DLGAP1: variants seen among roughly 807,000 people sequenced by gnomAD.
DLGAP1 encodes the protein DLG associated protein 1.
Under a neutral mutation model 90.8 loss-of-function variants are expected in DLGAP1, and 11 were observed. The observed-to-expected ratio is 0.12, with a 90% CI of 0.08 to 0.20. The LOEUF is 0.20. Ranked by LOEUF, DLGAP1 falls within the 10% of genes least tolerant of loss-of-function variation. DLGAP1 has a pLI of 1.00. For missense variants in DLGAP1, 1,050 were observed against 1,333.8 expected (o/e 0.79, Z 3.31); for synonymous variants, 558 against 540.7 (o/e 1.03, Z -0.44).
intron 3 of DLGAP1, among the ~76,000 whole-genome samples, chr18:3,951,378 G>T (rs2072981607): frequency 6.6e-6 from 1 of 152,202 alleles, no homozygotes; most frequent in Admixed American, 6.5e-5. Context: ...TAGTGTAAAG[G>T]TGTCTCTTGA....
chr18:4,210,072 C>G (rs1196952428), intron 1 of DLGAP1, among the ~76,000 whole-genome samples: 2 of 152,192 alleles, frequency 1.3e-5, no homozygotes, highest in African/African-American at 2.4e-5. Flanking sequence ...TTAGAAACTT[C>G]CCCTAACCAC....
intron 2 of DLGAP1, among the ~76,000 whole-genome samples, chr18:4,095,153 T>C (rs911418850): frequency 6.6e-6 from 1 of 152,092 alleles, no homozygotes; most frequent in Non-Finnish European, 1.5e-5. Context: ...GGGGACCAGC[T>C]CTAAAACTCA....
At chr18:4,346,826 A>G (rs1471145260) in intron 1 of DLGAP1, among the ~76,000 whole-genome samples, 1 of 152,198 alleles carries the variant, frequency 6.6e-6, no homozygotes, top group African/African-American at 2.4e-5. Context: ...AGCTAAATAA[A>G]TAATTGCATA....
chr18:3,535,912 G>A (rs1301991676), intron 9 of DLGAP1, among the ~76,000 whole-genome samples: 1 of 151,984 alleles, frequency 6.6e-6, no homozygotes, highest in Non-Finnish European at 1.5e-5. Context: ...GCACATGCCT[G>A]TAATCCCAGC....
In DLGAP1 at chr18:4,345,559, T is replaced by C. The variant is rs145591317; in HGVS notation, c.-267+109447A>G. On this transcript the variant is annotated intron_variant, in intron 1 of 12. Coordinates refer to ENST00000315677, the MANE Select transcript of DLGAP1 (RefSeq NM_004746.4). ...TTTTACGTGGCAGAAACAACACAAA[T>C]TGTGGCAATTATAGGTTTCACACAA... Among the ~76,000 whole-genome samples the C allele has an allele frequency of 9.2e-5, 14 of 152,298 alleles. No homozygotes were observed. The East Asian group carries it at 2.1e-3, about 23-fold the overall frequency.
intron 2 of DLGAP1, among the ~76,000 whole-genome samples, chr18:4,144,903 A>G (rs2076559075): frequency 6.6e-6 from 1 of 152,260 alleles, no homozygotes; most frequent in Non-Finnish European, 1.5e-5. Context: ...GTCCTTGAAC[A>G]TTCTTACAGT....
intron 7 of DLGAP1, among the ~76,000 whole-genome samples, chr18:3,586,391 G>T (rs1384856483): frequency 6.6e-6 from 1 of 152,154 alleles, no homozygotes; most frequent in Non-Finnish European, 1.5e-5. Flanking sequence ...ATGCTGTTAT[G>T]CTGAGGGACT....
chr18:3,639,359 G>A (rs1400715106), intron 7 of DLGAP1, among the ~76,000 whole-genome samples: 1 of 136,550 alleles, frequency 7.3e-6, no homozygotes, highest in South Asian at 2.3e-4. Flanking sequence ...ATCTCAAAAA[G>A]AGAAAAGAAA....
chr18:4,358,783 C>T (rs768604401), intron 1 of DLGAP1, among the ~76,000 whole-genome samples: 27 of 152,236 alleles, frequency 1.8e-4, no homozygotes, highest in Admixed American at 3.3e-4. Flanking sequence ...CAGCTTACCT[C>T]TGTAGCACCT....
chr18:3,863,350 T>G (rs1008100490), intron 4 of DLGAP1, among the ~76,000 whole-genome samples: 1 of 152,182 alleles, frequency 6.6e-6, no homozygotes, highest in Non-Finnish European at 1.5e-5. Context: ...TAGCACATTT[T>G]TAATAACAAG....
Position 4,053,688 on chromosome 18 carries a change from C to T in DLGAP1, c.-158-48487G>A, listed in dbSNP as rs1181965858. 5.3e-5 allele frequency among the ~76,000 whole-genome samples: 8 copies of T among 152,282 alleles called. No homozygotes were observed. In the South Asian group the frequency reaches 8.3e-4, roughly 16 times the overall value. ...AAATTTCCTGAGATCTTCCCAGCCACGTTTCCTGTACAGCCTGCAGAACCG... is the reference window on the plus strand; with the variant it reads ...AAATTTCCTGAGATCTTCCCAGCCATGTTTCCTGTACAGCCTGCAGAACCG... On this transcript the variant is annotated intron_variant, in intron 2 of 12. Transcript: ENST00000315677.
At chr18:4,002,730 G>C (rs1828421581) in intron 3 of DLGAP1, among the ~76,000 whole-genome samples, 1 of 152,166 alleles carries the variant, frequency 6.6e-6, no homozygotes, top group African/African-American at 2.4e-5. Context: ...CTTTGGGGCT[G>C]GTTCCCCTAA....
chr18:3,842,578 T>A (rs549126727), intron 4 of DLGAP1, among the ~76,000 whole-genome samples: 1 of 151,714 alleles, frequency 6.6e-6, no homozygotes, highest in East Asian at 2.0e-4. Flanking sequence ...GAAATAAGAT[T>A]TGGTGTTTTT....
chr18:4,064,622 C>T (rs2075346430), intron 2 of DLGAP1, among the ~76,000 whole-genome samples: 1 of 152,010 alleles, frequency 6.6e-6, no homozygotes, highest in South Asian at 2.1e-4. Context: ...TGGACACAGA[C>T]ACCCTCCCTA....
intron 1 of DLGAP1, among the ~76,000 whole-genome samples, chr18:4,313,884 T>G (rs1268543942): frequency 1.3e-5 from 2 of 152,180 alleles, no homozygotes; most frequent in African/African-American, 4.8e-5. Context: ...AAGACTTGGA[T>G]AGATAAAGCC....
At chr18:3,639,481 G>A (rs1052904425) in intron 7 of DLGAP1, among the ~76,000 whole-genome samples, 7 of 152,220 alleles carry the variant, frequency 4.6e-5, no homozygotes, top group African/African-American at 1.7e-4. Context: ...CACAGGAAGA[G>A]CACGAACTGA....
rs60415611 is a variant in DLGAP1 at position 3,688,614 on chromosome 18, GACACACACACACAC to G, written c.1591+40507_1591+40520del. 5.1e-3 allele frequency among the ~76,000 whole-genome samples: 513 copies of G among 100,714 alleles called. 4 individuals carry two copies. The highest frequency in any genetic ancestry group is 0.025 in the East Asian group (96 of 3,848). The allele number at this position is 100,714 out of a possible 152,430, so 66.1% of individuals were successfully genotyped here. On this transcript the variant is annotated intron_variant, in intron 7 of 12. Transcript: ENST00000315677. ...AGATATATTCTAGGTATTAAAAAAA[GACACACACACACAC>G]ACACACACACACACACACACACACA...
intron 9 of DLGAP1, among the ~76,000 whole-genome samples, chr18:3,563,179 T>C (rs2054241002): frequency 6.6e-6 from 1 of 152,180 alleles, no homozygotes; most frequent in Non-Finnish European, 1.5e-5. Flanking sequence ...CTCTCACTTT[T>C]TTCAAGATTT....
chr18:4,336,584 T>TTC (rs965867805), intron 1 of DLGAP1, among the ~76,000 whole-genome samples: 1 of 152,190 alleles, frequency 6.6e-6, no homozygotes, highest in Non-Finnish European at 1.5e-5. Flanking sequence ...TCACCAAAGC[T>TTC]TCTGTTCCTT....
Sources: gnomAD v4.1 joint callset for allele counts (sites outside exome capture counted in the v4.1 genomes callset) on GRCh38, gnomAD v4.1.1 for gene constraint, MANE v1.5 for transcripts, NCBI Gene and HGNC (gene_info 2026-07-23, HGNC 2026-07-21) for gene names.